The following SUGCT variants were observed in gnomAD, a reference collection of about 807,000 sequenced individuals.
The protein encoded by SUGCT is succinyl-CoA:glutarate CoA-transferase.
SUGCT carries 41 observed loss-of-function variants against 55.0 expected under a neutral mutation model. That is an observed-to-expected ratio of 0.74 (90% CI 0.58 to 0.97). The LOEUF (loss-of-function observed/expected upper bound fraction) is 0.97. Ranked by LOEUF, SUGCT falls within the 50% of genes least tolerant of loss-of-function variation. SUGCT has a pLI of 0.00. For synonymous variants in SUGCT, 187 were observed against 200.4 expected (o/e 0.93, Z 0.56); for missense variants, 568 against 547.8 (o/e 1.04, Z -0.37).
chr7:40,820,854 G>C (rs1474283986), intron 13 of SUGCT, among the ~76,000 whole-genome samples: 1 of 152,114 alleles, frequency 6.6e-6, no homozygotes, highest in African/African-American at 2.4e-5. Flanking sequence ...TTTTCAAAGG[G>C]AATGCTTCCC....
At chr7:40,387,545 T>C (rs558204180) in intron 9 of SUGCT, among the ~76,000 whole-genome samples, 2 of 152,326 alleles carry the variant, frequency 1.3e-5, no homozygotes, top group South Asian at 2.1e-4. Context: ...TTATATGGAA[T>C]GGTTATCTCA....
At chr7:40,359,201 CAG>C (rs1221847259) in intron 9 of SUGCT, among the ~76,000 whole-genome samples, 1 of 151,594 alleles carries the variant, frequency 6.6e-6, no homozygotes, top group Non-Finnish European at 1.5e-5. Flanking sequence ...ATTTTTGAGA[CAG>C]AGTTGTATGT....
At chr7:40,239,572 C>T (rs1385931244) in intron 7 of SUGCT, among the ~76,000 whole-genome samples, 1 of 152,132 alleles carries the variant, frequency 6.6e-6, no homozygotes, top group Non-Finnish European at 1.5e-5. Flanking sequence ...TTTCTATATT[C>T]AAATGGTAAA....
intron 7 of SUGCT, among the ~76,000 whole-genome samples, chr7:40,244,158 G>A (rs1172128232): frequency 1.3e-5 from 2 of 152,196 alleles, no homozygotes; most frequent in Non-Finnish European, 2.9e-5. Context: ...GGGTGACTGA[G>A]CGAGACTCTG....
At chr7:40,857,404 G>A (rs902451085) in intron 13 of SUGCT, among the ~76,000 whole-genome samples, 6 of 152,154 alleles carry the variant, frequency 3.9e-5, no homozygotes, top group South Asian at 2.1e-4. Context: ...TATTTGTCCC[G>A]TTGCAGTCTA....
chr7:40,964,482 C>A, the SUGCT span, among the ~76,000 whole-genome samples: 1 of 152,098 alleles, frequency 6.6e-6, no homozygotes, highest in Non-Finnish European at 1.5e-5. Context: ...AGGCAAGTGC[C>A]TCAAATGTCA....
chr7:41,013,341 G>T, the SUGCT span, among the ~76,000 whole-genome samples: 1 of 152,124 alleles, frequency 6.6e-6, no homozygotes, highest in African/African-American at 2.4e-5. Flanking sequence ...GATGATTTCA[G>T]TTCCTTCTCT....
chr7:40,311,341 C>A (rs547688016), intron 8 of SUGCT, among the ~76,000 whole-genome samples: 1 of 152,174 alleles, frequency 6.6e-6, no homozygotes, highest in Non-Finnish European at 1.5e-5. Context: ...TCTCTTGCCT[C>A]TTCTTAGTTC....
chr7:40,583,576 A>T (rs1351437109), intron 12 of SUGCT, among the ~76,000 whole-genome samples: 1 of 152,218 alleles, frequency 6.6e-6, no homozygotes, highest in Non-Finnish European at 1.5e-5. Context: ...AAACATTCAG[A>T]ATTGAAAAGA....
At chr7:40,247,077 CT>C (rs1789935872) in intron 7 of SUGCT, among the ~76,000 whole-genome samples, 1 of 152,008 alleles carries the variant, frequency 6.6e-6, no homozygotes, top group Admixed American at 6.6e-5. Flanking sequence ...TTCTGAATGC[CT>C]TTTGTTTGAC....
the SUGCT span, among the ~76,000 whole-genome samples, chr7:40,967,747 A>G: frequency 6.6e-6 from 1 of 151,908 alleles, no homozygotes; most frequent in African/African-American, 2.4e-5. Context: ...CAGCCTCCCG[A>G]GTAGCTGGGA....
chr7:40,861,837 T>C (rs918889784), downstream of SUGCT, among the ~76,000 whole-genome samples: 1 of 152,232 alleles, frequency 6.6e-6, no homozygotes, highest in Non-Finnish European at 1.5e-5. Flanking sequence ...TCTGAAGAAC[T>C]CTTGCTGTTA....
the SUGCT span, among the ~76,000 whole-genome samples, chr7:41,034,074 T>C: frequency 6.6e-6 from 1 of 152,184 alleles, no homozygotes; most frequent in Non-Finnish European, 1.5e-5. Context: ...TCAAACTGTT[T>C]TGCTTAGGAT....
chr7:40,917,525 C>A, the SUGCT span, among the ~76,000 whole-genome samples: 1 of 152,244 alleles, frequency 6.6e-6, no homozygotes, highest in East Asian at 1.9e-4. Context: ...TAGGGCCTTG[C>A]CATCATCTGC....
chr7:40,307,605 A>T (rs1013920955), intron 8 of SUGCT, among the ~76,000 whole-genome samples: 1 of 152,216 alleles, frequency 6.6e-6, no homozygotes, highest in Non-Finnish European at 1.5e-5. Flanking sequence ...TAAAATTATG[A>T]TGAGGTAATT....
chr7:40,931,826 A>C, the SUGCT span, among the ~76,000 whole-genome samples: 1 of 152,082 alleles, frequency 6.6e-6, no homozygotes, highest in Non-Finnish European at 1.5e-5. Context: ...ATTCCTTATT[A>C]GTCTTGCTAG....
chr7:40,815,411 T>G (rs939900764), intron 13 of SUGCT, among the ~76,000 whole-genome samples: 1 of 152,188 alleles, frequency 6.6e-6, no homozygotes, highest in Non-Finnish European at 1.5e-5. Flanking sequence ...GAGGTCTGCC[T>G]GGTTATGGGG....
chr7:40,410,140 T>TTA (rs1277592020), intron 9 of SUGCT, among the ~76,000 whole-genome samples: 3 of 152,178 alleles, frequency 2.0e-5, no homozygotes, highest in Non-Finnish European at 4.4e-5. Context: ...TATGCTTGTA[T>TTA]TATATATATG....
At chr7:40,993,599 G>A in the SUGCT span, among the ~76,000 whole-genome samples, 2 of 152,190 alleles carry the variant, frequency 1.3e-5, no homozygotes, top group African/African-American at 4.8e-5. Context: ...AGTCTAGGGA[G>A]AGCAAATTAC....
Sources: gnomAD v4.1 joint callset for allele counts (sites outside exome capture counted in the v4.1 genomes callset) on GRCh38, gnomAD v4.1.1 for gene constraint, MANE v1.5 for transcripts, NCBI Gene and HGNC (gene_info 2026-07-23, HGNC 2026-07-21) for gene names.